The following SDK1 variants were observed in gnomAD, a reference collection of about 807,000 sequenced individuals.
SDK1 encodes the protein sidekick cell adhesion molecule 1, also known as protein sidekick-1.
A neutral mutation model predicts 245.5 loss-of-function variants in SDK1; 157 were observed. That is an observed-to-expected ratio of 0.64 (90% CI 0.56 to 0.73). The LOEUF is 0.73. SDK1 is among the 30% of genes least tolerant of loss of function. The probability of loss-of-function intolerance (pLI) is 0.00; values close to 1 mark genes in which losing one functional copy is unlikely to be tolerated. For synonymous variants in SDK1, 1,647 were observed against 1,278.5 expected (o/e 1.29, Z -6.15); for missense variants, 3,583 against 3,002.3 (o/e 1.19, Z -4.52).
intron 1 of SDK1, among the ~76,000 whole-genome samples, chr7:3,388,747 A>G (rs77942423): frequency 0.046 from 6,995 of 152,226 alleles, 443 homozygotes; most frequent in African/African-American, 0.14. Flanking sequence ...ATGTAACTAT[A>G]TTATATTATG....
intron 1 of SDK1, among the ~76,000 whole-genome samples, chr7:3,354,226 C>A (rs1400267202): frequency 6.6e-6 from 1 of 151,912 alleles, no homozygotes; most frequent in Non-Finnish European, 1.5e-5. Flanking sequence ...TCTTGATCTC[C>A]TGACCTCATG....
At chr7:3,821,363 C>T (rs1779641743) in intron 4 of SDK1, 87 bp from the exon 5 acceptor site, 2 of 1,448,220 alleles carry the variant, frequency 1.4e-6, no homozygotes, top group African/African-American at 2.9e-5. Flanking sequence ...CTAGGCATTC[C>T]TTTATAGTTG....
intron 2 of SDK1, among the ~76,000 whole-genome samples, chr7:3,622,053 T>C (rs1781958676): frequency 6.6e-6 from 1 of 152,218 alleles, no homozygotes; most frequent in African/African-American, 2.4e-5. Context: ...ATGCTTAATA[T>C]AGGCTAGGCT....
At position 3,442,755 on chromosome 7, in the gene SDK1, T is replaced by C. The variant is rs1780231297; in HGVS notation, c.298+140871T>C. The stretch of plus-strand genomic sequence containing the variant: ...GTTTTTAGCATATTTTCTCCATTTT[T>C]CCTTTTTCCTTTTGTGTGTTCTTGT... On this transcript the variant is annotated intron_variant, in intron 1 of 44. Transcript: ENST00000404826. 1.3e-5 allele frequency among the ~76,000 whole-genome samples: 2 copies of C among 152,208 alleles called. 1 individual carries two copies. The highest frequency in any genetic ancestry group is 4.1e-4 in the South Asian group (2 of 4,834).
intron 1 of SDK1, among the ~76,000 whole-genome samples, chr7:3,525,201 G>A (rs1783080411): frequency 6.6e-6 from 1 of 151,792 alleles, no homozygotes; most frequent in South Asian, 2.1e-4. Context: ...ATTCTTGGTG[G>A]GCCCTGGAAC....
chr7:3,799,704 C>CAAAA (rs34448201), intron 4 of SDK1, among the ~76,000 whole-genome samples: 9 of 109,086 alleles, frequency 8.3e-5, no homozygotes, highest in East Asian at 2.7e-4. Context: ...GACTCCATCT[C>CAAAA]AAAAAAAAAA....
At chr7:3,961,866 CACACATAGAA>C (rs1781709191) in intron 8 of SDK1, among the ~76,000 whole-genome samples, 1 of 151,394 alleles carries the variant, frequency 6.6e-6, no homozygotes, top group African/African-American at 2.5e-5. Context: ...CTCACACAGA[CACACATAGAA>C]ACACATGTAC....
Position 4,034,679 on chromosome 7 carries a change from C to T in SDK1, c.2603-14669C>T, listed in dbSNP as rs371384737. 2.0e-5 allele frequency among the ~76,000 whole-genome samples: 3 copies of T among 152,142 alleles called. No individual in the cohort carries two copies. The East Asian group carries it at 5.8e-4, about 29-fold the overall frequency. Reference sequence around the variant, plus strand: ...CAAACTCGACTTTTAGGAGTTTATTCCAAAAATGAACTTGCAGACAAATGA... The same window carrying T: ...CAAACTCGACTTTTAGGAGTTTATTTCAAAAATGAACTTGCAGACAAATGA... On this transcript the variant is annotated intron_variant, in intron 17 of 44. Coordinates refer to ENST00000404826, the MANE Select transcript of SDK1 (RefSeq NM_152744.4).
chr7:3,339,708 A>G (rs1476456144), intron 1 of SDK1, among the ~76,000 whole-genome samples: 1 of 152,144 alleles, frequency 6.6e-6, no homozygotes, highest in Admixed American at 6.5e-5. Flanking sequence ...GTTATTAAAT[A>G]TGTGGGATGT....
chr7:3,319,037 G>A (rs535249753), intron 1 of SDK1, among the ~76,000 whole-genome samples: 3 of 151,984 alleles, frequency 2.0e-5, no homozygotes, highest in East Asian at 1.9e-4. Flanking sequence ...TCATGAGGGG[G>A]GAGTAGGTGG....
At chr7:4,108,330 C>A (rs1783085586) in intron 22 of SDK1, among the ~76,000 whole-genome samples, 2 of 152,180 alleles carry the variant, frequency 1.3e-5, no homozygotes, top group South Asian at 2.1e-4. Flanking sequence ...TTCTGTGGAA[C>A]CTTAATCTAT....
At chr7:3,391,148 C>A (rs986475760) in intron 1 of SDK1, among the ~76,000 whole-genome samples, 18 of 152,218 alleles carry the variant, frequency 1.2e-4, no homozygotes, top group African/African-American at 4.3e-4. Context: ...CAAGAGGGGA[C>A]AAAAATGGAC....
chr7:3,656,949 T>G (rs1024839501), intron 4 of SDK1, among the ~76,000 whole-genome samples: 1 of 151,702 alleles, frequency 6.6e-6, no homozygotes, highest in Non-Finnish European at 1.5e-5. Context: ...GGGTTTCACC[T>G]TGTTAGCCAG....
At chr7:3,542,797 T>G (rs1322415969) in intron 1 of SDK1, among the ~76,000 whole-genome samples, 1 of 152,196 alleles carries the variant, frequency 6.6e-6, no homozygotes, top group African/African-American at 2.4e-5. Flanking sequence ...TAAAAAGGGC[T>G]TCTTTCAAGT....
At chr7:3,312,052 T>G (rs1352570960) in intron 1 of SDK1, among the ~76,000 whole-genome samples, 1 of 152,202 alleles carries the variant, frequency 6.6e-6, no homozygotes, top group Non-Finnish European at 1.5e-5. Context: ...CTTTGCCTAC[T>G]GGTTTGGGAA....
intron 4 of SDK1, among the ~76,000 whole-genome samples, chr7:3,700,974 C>CGGACATCTT (rs1444581324): frequency 6.6e-6 from 1 of 152,048 alleles, no homozygotes; most frequent in Non-Finnish European, 1.5e-5. Context: ...ATGTGGAGAG[C>CGGACATCTT]GGACATCTTG....
chr7:3,438,453 G>A lies in SDK1; in HGVS notation c.298+136569G>A, dbSNP rs150821180. ...AAGCTTCATAAATGTTACGTTTTCT[G>A]TGGCCGCTATTTCTGTCTTATCTGT... On this transcript the variant is annotated intron_variant, in intron 1 of 44. Transcript: ENST00000404826. Among the ~76,000 whole-genome samples the A allele has an allele frequency of 2.6e-5, 4 of 152,280 alleles. No individual in the cohort carries two copies. In the East Asian group the frequency reaches 7.7e-4, roughly 29 times the overall value.
chr7:4,200,152 T>G (rs960866531), intron 35 of SDK1, among the ~76,000 whole-genome samples: 1 of 152,132 alleles, frequency 6.6e-6, no homozygotes, highest in African/African-American at 2.4e-5. Flanking sequence ...GTACCTGTAG[T>G]GCCCCACCCA....
intron 4 of SDK1, among the ~76,000 whole-genome samples, chr7:3,694,773 C>T (rs1784528319): frequency 6.6e-6 from 1 of 152,104 alleles, no homozygotes; most frequent in Non-Finnish European, 1.5e-5. Flanking sequence ...TACAAACATC[C>T]CTGGTAATTC....
Sources: gnomAD v4.1 joint callset for allele counts (sites outside exome capture counted in the v4.1 genomes callset) on GRCh38, gnomAD v4.1.1 for gene constraint, MANE v1.5 for transcripts, NCBI Gene and HGNC (gene_info 2026-07-23, HGNC 2026-07-21) for gene names.